The following NAALADL2 variants were observed in gnomAD, a reference collection of about 807,000 sequenced individuals.
NAALADL2 encodes N-acetylated alpha-linked acidic dipeptidase like 2.
Under a neutral mutation model 87.2 loss-of-function variants are expected in NAALADL2, and 76 were observed. That is an observed-to-expected ratio of 0.87 (90% confidence interval 0.72 to 1.05). The LOEUF (loss-of-function observed/expected upper bound fraction) is 1.05, where lower values mean the gene tolerates loss of function less well. NAALADL2 is among the 50% of genes least tolerant of loss of function. NAALADL2 has a pLI of 0.00. For missense variants in NAALADL2, 1,089 were observed against 945.8 expected (o/e 1.15, Z -1.99); for synonymous variants, 354 against 331.0 (o/e 1.07, Z -0.75).
intron 2 of NAALADL2, among the ~76,000 whole-genome samples, chr3:174,702,611 C>G (rs1729663487): frequency 1.3e-5 from 2 of 152,218 alleles, no homozygotes; most frequent in Non-Finnish European, 2.9e-5. Context: ...TTGCCTACTA[C>G]ACAGCTAGGC....
At chr3:175,344,314 G>A (rs1021613459) in intron 5 of NAALADL2, among the ~76,000 whole-genome samples, 1 of 151,918 alleles carries the variant, frequency 6.6e-6, no homozygotes, top group Non-Finnish European at 1.5e-5. Flanking sequence ...GTAGTGCAAA[G>A]GACAGGAAGT....
chr3:175,313,168 T>C (rs1441932797), intron 4 of NAALADL2, among the ~76,000 whole-genome samples: 1 of 152,150 alleles, frequency 6.6e-6, no homozygotes, highest in Non-Finnish European at 1.5e-5. Flanking sequence ...TGAGTCATAT[T>C]GCATTAGGGC....
At chr3:175,224,995 T>A (rs1431062196) in intron 2 of NAALADL2, among the ~76,000 whole-genome samples, 1 of 152,138 alleles carries the variant, frequency 6.6e-6, no homozygotes, top group Non-Finnish European at 1.5e-5. Context: ...ACAAGTTGAT[T>A]TAATTGAGAT....
chr3:175,395,007 C>A, intron 5 of NAALADL2, among the ~76,000 whole-genome samples: 1 of 152,030 alleles, frequency 6.6e-6, no homozygotes, highest in East Asian at 1.9e-4. Flanking sequence ...TGGCATGTCA[C>A]AATTGCCAAC....
At chr3:175,403,744 C>T (rs897647582) in intron 5 of NAALADL2, among the ~76,000 whole-genome samples, 1 of 152,068 alleles carries the variant, frequency 6.6e-6, no homozygotes, top group Non-Finnish European at 1.5e-5. Context: ...TTTTAAGGAA[C>T]TCATTAGACA....
chr3:174,896,537 A>G (rs1731557769), intron 1 of NAALADL2, among the ~76,000 whole-genome samples: 1 of 152,160 alleles, frequency 6.6e-6, no homozygotes, highest in Non-Finnish European at 1.5e-5. Flanking sequence ...AAAATGGAAA[A>G]GTATTCCTTA....
chr3:175,575,942 T>C (rs1718807787), intron 9 of NAALADL2, 99 bp from the exon 10 acceptor site: 16 of 968,872 alleles, frequency 1.7e-5, no homozygotes, highest in Admixed American at 2.8e-5. Context: ...CAGGGAGACA[T>C]TGATGCTGCT....
At chr3:175,037,340 G>A (rs765062193) in intron 1 of NAALADL2, among the ~76,000 whole-genome samples, 60 of 152,132 alleles carry the variant, frequency 3.9e-4, no homozygotes, top group Admixed American at 6.5e-4. Context: ...CCTAGAAGAA[G>A]GGTAGGGGAA....
intron 2 of NAALADL2, among the ~76,000 whole-genome samples, chr3:174,724,274 TCA>T (rs945101237): frequency 2.0e-5 from 3 of 152,184 alleles, no homozygotes; most frequent in African/African-American, 7.2e-5. Context: ...GTCAAATTTC[TCA>T]GTTTGGTTAT....
chr3:175,374,931 T>C (rs1405262292), intron 5 of NAALADL2, among the ~76,000 whole-genome samples: 1 of 152,056 alleles, frequency 6.6e-6, no homozygotes, highest in African/African-American at 2.4e-5. Context: ...TCAAGTTGTG[T>C]AGTTTTACCT....
intron 2 of NAALADL2, among the ~76,000 whole-genome samples, chr3:174,555,484 G>A (rs1712673231): frequency 6.6e-6 from 1 of 152,080 alleles, no homozygotes; most frequent in African/African-American, 2.4e-5. Flanking sequence ...ATTTTTAGTA[G>A]AGAAGGGGTT....
rs1265242004 is a variant in NAALADL2 at position 175,807,718 on chromosome 3, G to A, written c.*4515G>A. The A allele has an allele frequency of 6.6e-6, 1 of 151,838 alleles. No homozygotes were observed. The highest frequency in any genetic ancestry group is 1.5e-5 in the Non-Finnish European group (1 of 67,872). 9.4% of individuals were successfully genotyped at this position (151,838 alleles called of 1,614,324 possible). A position where few individuals can be genotyped will look rare whatever the true frequency, so the allele number is the denominator to read the frequency against. On this transcript the variant is annotated 3_prime_UTR_variant, in exon 14 of 14. Coordinates refer to ENST00000454872, the MANE Select transcript of NAALADL2 (RefSeq NM_207015.3). The stretch of plus-strand genomic sequence containing the variant: ...GAAAAAACAAACAAACAATATTTGA[G>A]AAAATATATATATTCTGCCCAGCCA...
intron 1 of NAALADL2, among the ~76,000 whole-genome samples, chr3:175,058,192 A>C (rs1234752476): frequency 2.0e-5 from 3 of 152,190 alleles, no homozygotes; most frequent in African/African-American, 7.2e-5. Context: ...GTTTGAAGGA[A>C]AGGGAAAAAC....
chr3:175,022,322 G>T (rs528077133), intron 1 of NAALADL2, among the ~76,000 whole-genome samples: 1 of 152,108 alleles, frequency 6.6e-6, no homozygotes, highest in East Asian at 1.9e-4. Context: ...ACGGGATATT[G>T]CTGGGTCCGG....
chr3:175,202,245 C>T (rs1032746648), intron 2 of NAALADL2, among the ~76,000 whole-genome samples: 1 of 152,116 alleles, frequency 6.6e-6, no homozygotes, highest in African/African-American at 2.4e-5. Context: ...CCTTTGTCCA[C>T]TGAGTATTGG....
chr3:175,693,765 C>T (rs1201903870), intron 11 of NAALADL2, among the ~76,000 whole-genome samples: 1 of 152,154 alleles, frequency 6.6e-6, no homozygotes, highest in Non-Finnish European at 1.5e-5. Context: ...GTGGTGCAAT[C>T]TCAGCTCACT....
chr3:175,262,999 C>CAAAAAAAAAAAAAA (rs71626206), intron 4 of NAALADL2, among the ~76,000 whole-genome samples: 1 of 128,926 alleles, frequency 7.8e-6, no homozygotes. Flanking sequence ...GAAGTAATTG[C>CAAAAAAAAAAAAAA]AAAAAAAAAA....
intron 4 of NAALADL2, among the ~76,000 whole-genome samples, chr3:175,299,255 C>T (rs964932689): frequency 8.6e-5 from 13 of 151,566 alleles, no homozygotes; most frequent in Admixed American, 7.9e-4. Context: ...TATATGGGCT[C>T]TTATTTTGGT....
chr3:175,612,068 A>G (rs1724721467), intron 10 of NAALADL2, among the ~76,000 whole-genome samples: 2 of 152,320 alleles, frequency 1.3e-5, no homozygotes, highest in South Asian at 4.1e-4. Context: ...TGTACTCCCT[A>G]GAAATACATA....
Sources: allele counts gnomAD v4.1 joint callset (sites outside exome capture counted in the v4.1 genomes callset), GRCh38; gene constraint gnomAD v4.1.1; transcripts MANE v1.5; gene names NCBI Gene and HGNC (gene_info 2026-07-23, HGNC 2026-07-21).